The following TBC1D15 variants were observed in gnomAD, a reference collection of about 807,000 sequenced individuals.
TBC1D15 encodes the protein TBC1 domain family member 15.
TBC1D15 carries 39 observed loss-of-function variants against 95.4 expected under a neutral mutation model. The ratio of observed to expected loss-of-function variants is 0.41; its 90% CI spans 0.32 to 0.53. The LOEUF is 0.53. Among genes scored for constraint, TBC1D15 ranks in the 20% least tolerant of loss-of-function variants. The pLI is 0.29. For missense variants in TBC1D15, 733 were observed against 794.3 expected (o/e 0.92, Z 0.93); for synonymous variants, 258 against 261.3 (o/e 0.99, Z 0.12).
chr12:71,854,962 T>G (rs6582059), intron 1 of TBC1D15: 43,783 of 416,996 alleles, frequency 0.1, 2,664 homozygotes, highest in African/African-American at 0.16. Flanking sequence ...ATTTTGTGTA[T>G]TAGTCCGTTA....
chr12:71,865,539 C>T (rs991570312), intron 1 of TBC1D15, among the ~76,000 whole-genome samples: 1 of 152,078 alleles, frequency 6.6e-6, no homozygotes, highest in African/African-American at 2.4e-5. Context: ...GGTGCAGTAG[C>T]AGCAAGTACC....
intron 1 of TBC1D15, among the ~76,000 whole-genome samples, chr12:71,844,338 T>C (rs1885795331): frequency 1.3e-5 from 2 of 152,210 alleles, no homozygotes; most frequent in Non-Finnish European, 2.9e-5. Flanking sequence ...TCTGATCTGG[T>C]CTCTGTTTTT....
intron 1 of TBC1D15, chr12:71,850,150 ATAT>A: frequency 1.8e-6 from 1 of 551,622 alleles, no homozygotes; most frequent in Non-Finnish European, 3.5e-6. Context: ...CATGATAATC[ATAT>A]TATTTCTGGC....
chr12:71,852,261 T>C (rs1888010903), intron 1 of TBC1D15, among the ~76,000 whole-genome samples: 1 of 152,164 alleles, frequency 6.6e-6, no homozygotes, highest in African/African-American at 2.4e-5. Context: ...CAGGGAGCAG[T>C]GTCCTGAGGT....
chr12:71,877,496 T>TTCCTTCC (rs1894147759), intron 3 of TBC1D15, among the ~76,000 whole-genome samples: 4 of 89,676 alleles, frequency 4.5e-5, no homozygotes, highest in South Asian at 8.7e-4. Context: ...CTTTCCTGTT[T>TTCCTTCC]TTCCTTCCTT....
At chr12:71,845,147 A>G (rs1410695792) in intron 1 of TBC1D15, among the ~76,000 whole-genome samples, 1 of 152,246 alleles carries the variant, frequency 6.6e-6, no homozygotes, top group Non-Finnish European at 1.5e-5. Flanking sequence ...ACAATGGCCC[A>G]AGGCAGAAAT....
chr12:71,861,146 G>A lies in TBC1D15; in HGVS notation c.31-10924G>A, dbSNP rs1045575661. ...GAATTTTTGCATCTGTATTCATCAGGGATATTGGCCTATGGTGTTCTTTTT... is the reference window on the plus strand; with the variant it reads ...GAATTTTTGCATCTGTATTCATCAGAGATATTGGCCTATGGTGTTCTTTTT... On this transcript the variant is annotated intron_variant, in intron 1 of 16. Transcript: ENST00000485960. Among the ~76,000 whole-genome samples the A allele has an allele frequency of 2.6e-5, 4 of 152,136 alleles. No individual in the cohort carries two copies. In the South Asian group the frequency reaches 8.3e-4, roughly 32 times the overall value.
chr12:71,870,676 T>C (rs890823159), intron 1 of TBC1D15, among the ~76,000 whole-genome samples: 1 of 152,214 alleles, frequency 6.6e-6, no homozygotes, highest in East Asian at 1.9e-4. Flanking sequence ...CGGTTATTAT[T>C]TGCCTCATTT....
chr12:71,893,281 C>G lies in TBC1D15; in HGVS notation c.614C>G (p.Ser205Cys). 3.1e-6 allele frequency: 5 copies of G among 1,609,920 alleles called. No homozygotes were observed. The highest frequency in any genetic ancestry group is 4.2e-6 in the Non-Finnish European group (5 of 1,177,884). ...TGTCAGAATAAGAGTCTTTCACAGTCTTTTGAAAATCTTCTTGATGAGCCA... is the reference window on the plus strand; with the variant it reads ...TGTCAGAATAAGAGTCTTTCACAGTGTTTTGAAAATCTTCTTGATGAGCCA... ...VNCQNKSLSQSFENLLDEPAY... is the reference protein window; with the variant it reads ...VNCQNKSLSQCFENLLDEPAY... The change falls in exon 6 of 17, where the codon TCT becomes TGT. Residue 205 changes from serine to cysteine, a missense_variant. Transcript: ENST00000485960.
chr12:71,862,910 G>A (rs1292003514), intron 1 of TBC1D15, among the ~76,000 whole-genome samples: 3 of 152,152 alleles, frequency 2.0e-5, no homozygotes, highest in Non-Finnish European at 4.4e-5. Flanking sequence ...TATAAGGCCA[G>A]TCTAGTAGTG....
intron 12 of TBC1D15, among the ~76,000 whole-genome samples, chr12:71,914,763 T>C (rs1021758910): frequency 1.3e-5 from 2 of 152,042 alleles, no homozygotes; most frequent in African/African-American, 4.8e-5. Flanking sequence ...ATCTGAAATA[T>C]TTTCCTGTAA....
rs35977474 is a variant in TBC1D15, at chr12:71,881,916, C to CAAA, written c.343+1330_343+1332dup. On this transcript the variant is annotated intron_variant, in intron 4 of 16. Coordinates refer to ENST00000485960, the MANE Select transcript of TBC1D15 (RefSeq NM_001146213.3). ...CTGGCAACACAGCAAGACTCCGTCT[C>CAAA]AAAAAAAAAAAAAAAAAAAAAAAGT... Among the ~76,000 whole-genome samples the CAAA allele has an allele frequency of 1.4e-3, 74 of 53,500 alleles. 1 individual carries two copies. The highest frequency in any genetic ancestry group is 0.012 in the Middle Eastern group (1 of 86). The allele number at this position is 53,500 out of a possible 152,430, so 35.1% of individuals were successfully genotyped here.
At chr12:71,863,963 T>C (rs926486454) in intron 1 of TBC1D15, among the ~76,000 whole-genome samples, 4 of 152,148 alleles carry the variant, frequency 2.6e-5, no homozygotes, top group Non-Finnish European at 5.9e-5. Flanking sequence ...TTTTTGTATT[T>C]CATTGTGTTT....
At chr12:71,840,155 C>A (rs995615152) in intron 1 of TBC1D15, among the ~76,000 whole-genome samples, 2 of 152,156 alleles carry the variant, frequency 1.3e-5, no homozygotes, top group African/African-American at 4.8e-5. Flanking sequence ...TTTATGTCTA[C>A]TCTTCTGACT....
intron 14 of TBC1D15, among the ~76,000 whole-genome samples, chr12:71,919,229 G>A (rs1323816712): frequency 6.7e-6 from 1 of 148,914 alleles, no homozygotes; most frequent in African/African-American, 2.5e-5. Context: ...TTAAAGAGAA[G>A]GGGTCTTGCT....
rs1342380661 is a variant in TBC1D15 at position 71,893,234 on chromosome 12, T to C, written c.567T>C (p.Asp189=). The C allele has an allele frequency of 2.5e-6, 4 of 1,605,416 alleles. No homozygotes were observed. The highest frequency in any genetic ancestry group is 1.3e-5 in the African/African-American group (1 of 74,498). The stretch of plus-strand genomic sequence containing the variant: ...TTTTTTATTATAGATCTCCACAGGA[T>C]AAAAGAACACTTCTTGTGAATTGTC... ...KYVVLCESPQ[D]KRTLLVNCQN... The change falls in exon 6 of 17, where the codon GAT becomes GAC. Residue 189 remains aspartate (D), a synonymous_variant. Coordinates refer to ENST00000485960, the MANE Select transcript of TBC1D15 (RefSeq NM_001146213.3).
chr12:71,888,496 G>T (rs1234982903), intron 5 of TBC1D15, among the ~76,000 whole-genome samples: 2 of 151,976 alleles, frequency 1.3e-5, no homozygotes, highest in Non-Finnish European at 2.9e-5. Context: ...ATCAGAGATG[G>T]TGATGAAAAT....
chr12:71,900,063 A>G (rs979880901), intron 10 of TBC1D15, among the ~76,000 whole-genome samples: 6 of 152,186 alleles, frequency 3.9e-5, no homozygotes, highest in African/African-American at 1.4e-4. Context: ...AAGGGGAAAG[A>G]GAAATAAAAA....
At chr12:71,905,874 T>A (rs954501060) in intron 10 of TBC1D15, among the ~76,000 whole-genome samples, 5 of 152,112 alleles carry the variant, frequency 3.3e-5, no homozygotes, top group African/African-American at 4.8e-5. Context: ...ATCTTTTTTT[T>A]AATTATTACT....
Sources: gnomAD v4.1 joint callset for allele counts (sites outside exome capture counted in the v4.1 genomes callset) on GRCh38, gnomAD v4.1.1 for gene constraint, MANE v1.5 for transcripts, NCBI Gene and HGNC (gene_info 2026-07-23, HGNC 2026-07-21) for gene names.